Variants in R3HCC1 observed in about 807,000 individuals in gnomAD.
R3HCC1 encodes R3H domain and coiled-coil containing 1.
Under a neutral mutation model 40.0 loss-of-function variants are expected in R3HCC1, and 32 were observed. The ratio of observed to expected loss-of-function variants is 0.80; its 90% CI spans 0.60 to 1.07. The LOEUF is 1.07. Ranked by LOEUF, R3HCC1 falls within the 50% of genes least tolerant of loss-of-function variation. The probability of loss-of-function intolerance (pLI) is 0.00; values close to 1 mark genes in which losing one functional copy is unlikely to be tolerated. For missense variants in R3HCC1, 586 were observed against 563.3 expected (o/e 1.04, Z -0.41); for synonymous variants, 237 against 232.8 (o/e 1.02, Z -0.17).
chr8:23,288,387 C>T (rs1243153945), intron 1 of R3HCC1, 119 bp from the exon 2 acceptor site: 4 of 1,389,478 alleles, frequency 2.9e-6, no homozygotes, highest in Non-Finnish European at 3.9e-6. Flanking sequence ...GCATCACTTC[C>T]CCGCCACCGA....
intron 2 of R3HCC1, 103 bp from the exon 3 acceptor site, chr8:23,288,913 G>T: frequency 7.6e-7 from 1 of 1,324,434 alleles, no homozygotes; most frequent in Non-Finnish European, 1.0e-6. Flanking sequence ...GACCCAGAGG[G>T]GCAGAAGGGA....
At chr8:23,294,044 AGCTGGGGCCTGGGAGCGCCATTGCT>A (rs899366631) in intron 6 of R3HCC1, among the ~76,000 whole-genome samples, 47 of 152,222 alleles carry the variant, frequency 3.1e-4, no homozygotes, top group African/African-American at 9.4e-4. Context: ...TGAAAACCCG[AGCTGGGGCCTGGGAGCGCCATTGCT>A]GCTGGGGCCC....
Position 23,294,808 on chromosome 8 carries a change from T to A in R3HCC1, c.1136T>A (p.Ile379Asn), listed in dbSNP as rs1280238296. 77 of 1,551,088 alleles carry A rather than the reference T, an allele frequency of 5.0e-5. No homozygotes were observed. The highest frequency in any genetic ancestry group is 6.5e-5 in the Non-Finnish European group (75 of 1,146,926). Residue 379 changes from isoleucine (I) to asparagine (N), a missense_variant, in exon 7 of 8, where the codon ATC (isoleucine) becomes AAC (asparagine). By Grantham distance (149) the Ile-to-Asn change is moderately radical (BLOSUM62 -3). Coordinates refer to ENST00000265806, the MANE Select transcript of R3HCC1 (RefSeq NM_001136108.3). The stretch of plus-strand genomic sequence containing the variant: ...ACCCGGGAGTTCTCGGTGCTCAAGA[T>A]CCGGCCCCTCACACAGGGAACCAAG...
rs371962059 is a variant in R3HCC1 at position 23,294,923 on chromosome 8, A to ATGTGTG, written c.1192+66_1192+71dup. Reference sequence around the variant, plus strand: ...TGTGTGTGTGTGTGTGCGTGCGAGCATGTGTGTGTGTGCGTGTGTGTGTGT... The same window carrying ATGTGTG: ...TGTGTGTGTGTGTGTGCGTGCGAGCATGTGTGTGTGTGTGTGTGCGTGTGTGTGTGT... On this transcript the variant is annotated intron_variant, in intron 7 of 7. Transcript: ENST00000265806. The ATGTGTG allele has an allele frequency of 3.0e-4, 370 of 1,215,124 alleles. No homozygotes were observed. In the East Asian group the frequency reaches 5.4e-3, roughly 18 times the overall value. The allele number at this position is 1,215,124 out of a possible 1,614,324, so 75.3% of individuals were successfully genotyped here.
chr8:23,295,853 C>G, intron 7 of R3HCC1, 114 bp from the exon 8 acceptor site: 1 of 1,368,204 alleles, frequency 7.3e-7, no homozygotes. Flanking sequence ...GGCCGAGGCC[C>G]CACATGTGTC....
intron 5 of R3HCC1, among the ~76,000 whole-genome samples, chr8:23,292,507 G>C (rs1316088043): frequency 6.6e-6 from 1 of 152,154 alleles, no homozygotes; most frequent in African/African-American, 2.4e-5. Flanking sequence ...CCAGCTACTC[G>C]GGAGGCTGAG....
chr8:23,293,380 CA>C lies in R3HCC1; in HGVS notation c.1096+8del. 1 of 1,549,122 alleles carries C rather than the reference CA, an allele frequency of 6.5e-7. No homozygotes were observed. The highest frequency in any genetic ancestry group is 8.7e-7 in the Non-Finnish European group (1 of 1,144,980). On this transcript the variant is annotated splice_region_variant and intron_variant, in intron 6 of 7. Coordinates refer to ENST00000265806, the MANE Select transcript of R3HCC1 (RefSeq NM_001136108.3). Reference sequence around the variant, plus strand: ...TTTCCCTGCCTGGCCTCAGGTAAGGCACCCCCAGTGGGCCCAGCCCTTGCTC... The same window carrying C: ...TTTCCCTGCCTGGCCTCAGGTAAGGCCCCCCAGTGGGCCCAGCCCTTGCTC...
Position 23,288,983 on chromosome 8 carries a change from AC to A in R3HCC1, c.111-31del, listed in dbSNP as rs1329260551. ...ACCTGGTAGGGGCCAGGCCCTGGACACCTGCTCAGCACTTCTTCCCCTCCCT... is the reference window on the plus strand; with the variant it reads ...ACCTGGTAGGGGCCAGGCCCTGGACACTGCTCAGCACTTCTTCCCCTCCCT... On this transcript the variant is annotated intron_variant, in intron 2 of 7. Coordinates refer to ENST00000265806, the MANE Select transcript of R3HCC1 (RefSeq NM_001136108.3). The A allele has an allele frequency of 2.0e-6, 3 of 1,535,380 alleles. No individual in the cohort carries two copies. In the South Asian group the frequency reaches 3.6e-5, roughly 18 times the overall value.
At chr8:23,293,511 C>A in intron 6 of R3HCC1, 138 bp downstream of exon 6, 1 of 659,478 alleles carries the variant, frequency 1.5e-6, no homozygotes, top group Non-Finnish European at 2.6e-6. Context: ...TTGTTCCCAG[C>A]CTAAAACCCA....
At chr8:23,288,939 G>T in intron 2 of R3HCC1, 77 bp from the exon 3 acceptor site, 1 of 1,462,280 alleles carries the variant, frequency 6.8e-7, no homozygotes, top group Non-Finnish European at 9.2e-7. Context: ...GTGTTAATCC[G>T]CGATTAACCT....
Position 23,294,812 on chromosome 8 carries a change from G to GCC in R3HCC1, c.1143_1144dup (p.Leu382ProfsTer23), listed in dbSNP as rs1802956511. On this transcript the variant is annotated frameshift_variant, in exon 7 of 8. Transcript: ENST00000265806. LOFTEE classifies it high-confidence loss of function. ...GGGAGTTCTCGGTGCTCAAGATCCG[G>GCC]CCCCTCACACAGGGAACCAAGCAGT... 6.4e-7 allele frequency: 1 copy of GCC among 1,551,326 alleles called. No homozygotes were observed. The highest frequency in any genetic ancestry group is 2.0e-5 in the Admixed American group (1 of 50,978).
intron 2 of R3HCC1, 63 bp downstream of exon 2, chr8:23,288,696 T>C: frequency 6.6e-7 from 1 of 1,520,728 alleles, no homozygotes; most frequent in South Asian, 1.2e-5. Flanking sequence ...CCGAGCCGCC[T>C]GTGTGCCCTC....
intron 5 of R3HCC1, among the ~76,000 whole-genome samples, chr8:23,292,776 G>C (rs1464880943): frequency 2.0e-5 from 3 of 152,246 alleles, no homozygotes; most frequent in Non-Finnish European, 4.4e-5. Flanking sequence ...TGATGGTGCA[G>C]CCAGGCTGGG....
rs15946 is a variant in R3HCC1 at position 23,294,821 on chromosome 8, A to G, written c.1149A>G (p.Thr383=). 1,145,168 of 1,550,814 alleles carry G rather than the reference A, an allele frequency of 0.74. 424,883 individuals are homozygous for G. Among genetic ancestry groups the G allele is most frequent in the East Asian group, 0.95 (39,018 of 40,880 alleles). The change falls in exon 7 of 8, where the codon ACA becomes ACG. Residue 383 remains threonine, a synonymous_variant. Transcript: ENST00000265806. ...CGGTGCTCAAGATCCGGCCCCTCAC[A>G]CAGGGAACCAAGCAGTCAAAGCTCA...
intron 5 of R3HCC1, among the ~76,000 whole-genome samples, chr8:23,292,122 G>A (rs1344859758): frequency 3.3e-5 from 5 of 151,598 alleles, no homozygotes; most frequent in African/African-American, 1.2e-4. Context: ...TCCTGCTCAG[G>A]CTTTCTTTCT....
chr8:23,291,017 C>T (rs947542226), intron 4 of R3HCC1: 15 of 221,116 alleles, frequency 6.8e-5, no homozygotes, highest in Middle Eastern at 1.7e-3. Context: ...TTGCCCAGCT[C>T]TGCCTCTTAC....
intron 1 of R3HCC1, 135 bp downstream of exon 1, chr8:23,288,292 A>C: frequency 9.1e-7 from 1 of 1,103,602 alleles, no homozygotes; most frequent in Non-Finnish European, 1.2e-6. Context: ...AGCCACCCTC[A>C]GCATCCGACC....
intron 2 of R3HCC1, 48 bp downstream of exon 2, chr8:23,288,681 G>T: frequency 2.6e-6 from 4 of 1,528,294 alleles, no homozygotes; most frequent in Non-Finnish European, 3.5e-6. Flanking sequence ...GGAAGGGCAG[G>T]GTTCCCGAGC....
Position 23,290,440 on chromosome 8 carries a change from G to A in R3HCC1, c.823G>A (p.Glu275Lys), listed in dbSNP as rs756295503. ...AGAGGATGGCCCCAGCAGCTGCTCG[G>A]AGGACGATTACAGTGAGCTGCTGCA... is the stretch of plus-strand genomic sequence containing the variant. Residue 275 changes from glutamate to lysine, a missense_variant, in exon 4 of 8, where the codon GAG (glutamate) becomes AAG (lysine). By Grantham distance (56) the Glu-to-Lys change is moderately conservative. Transcript: ENST00000265806. The A allele has an allele frequency of 3.9e-6, 6 of 1,551,236 alleles. No homozygotes were observed. The South Asian group carries it at 7.1e-5, about 18-fold the overall frequency.
Sources: gnomAD v4.1 joint callset for allele counts (sites outside exome capture counted in the v4.1 genomes callset) on GRCh38, gnomAD v4.1.1 for gene constraint, MANE v1.5 for transcripts, NCBI Gene and HGNC (gene_info 2026-07-23, HGNC 2026-07-21) for gene names.